ARHGEF40: variants seen among roughly 807,000 people sequenced by gnomAD.
ARHGEF40 encodes Rho guanine nucleotide exchange factor 40, also known as Rho guanine nucleotide exchange factor (GEF) 40.
A neutral mutation model predicts 165.9 loss-of-function variants in ARHGEF40; 98 were observed. That is an observed-to-expected ratio of 0.59 (90% CI 0.50 to 0.70). The LOEUF (loss-of-function observed/expected upper bound fraction) is 0.70. ARHGEF40 is among the 30% of genes least tolerant of loss of function. The pLI, the probability that ARHGEF40 is intolerant of heterozygous loss-of-function variation, is 0.00. For missense variants in ARHGEF40, 1,815 were observed against 1,968.0 expected, an observed-to-expected ratio of 0.92 and a Z score of 1.47; for synonymous variants, 792 against 814.3, an observed-to-expected ratio of 0.97 and a Z score of 0.47.
intron 19 of ARHGEF40, 194 bp from the exon 20 acceptor site, chr14:21,086,807 A>C: frequency 1.8e-6 from 1 of 558,034 alleles, no homozygotes; most frequent in Non-Finnish European, 3.2e-6. Flanking sequence ...TCTGAGGAGG[A>C]AGTCACACCA....
intron 17 of ARHGEF40, 84 bp downstream of exon 17, chr14:21,084,134 G>T: frequency 7.1e-7 from 1 of 1,412,770 alleles, no homozygotes; most frequent in South Asian, 1.4e-5. Flanking sequence ...AGGAGAACCA[G>T]GCTCCAGGTC....
chr14:21,080,424 C>T (rs922477878), intron 11 of ARHGEF40, among the ~76,000 whole-genome samples: 1 of 152,208 alleles, frequency 6.6e-6, no homozygotes, highest in African/African-American at 2.4e-5. Flanking sequence ...TCCCTCAGTG[C>T]TTCCCATCAG....
In ARHGEF40 at chr14:21,072,945, GGGGCTTT is replaced by G; in HGVS notation, c.4-97_4-91del. On this transcript the variant is annotated intron_variant, in intron 1 of 23. Transcript: ENST00000298694. This position sits in a 1 kb window ranked among gnomAD's most constrained non-coding sequence, Gnocchi z 4.1. ...CACTTTTTGCCCACATTGTACAATCGGGGCTTTGGAGAACACAGCCAACCCCAGACCA... is the reference window on the plus strand; with the variant it reads ...CACTTTTTGCCCACATTGTACAATCGGGAGAACACAGCCAACCCCAGACCA... 8.3e-7 allele frequency: 1 copy of G among 1,207,328 alleles called. No homozygotes were observed. Among genetic ancestry groups the G allele is most frequent in the South Asian group, 1.4e-5 (1 of 71,742 alleles). 74.8% of individuals were successfully genotyped at this position (1,207,328 alleles called of 1,614,324 possible).
chr14:21,082,020 C>T lies in ARHGEF40; in HGVS notation c.3152C>T (p.Thr1051Met), dbSNP rs374673268. The change falls in exon 14 of 24, where the codon ACG becomes ATG. Residue 1051 changes from threonine (T) to methionine (M), a missense_variant. Physicochemically the swap from Thr to Met is moderately conservative, Grantham distance 81. Coordinates refer to ENST00000298694, the MANE Select transcript of ARHGEF40 (RefSeq NM_018071.5). ...ACCAGCACTGAGGTGGTAGACAGGA[C>T]GTGCTCACCACGGGAACACGTGCTG... The part of the protein sequence containing the change: ...EVTSTEVVDR[T>M]CSPREHVLLG... 2.4e-5 allele frequency: 37 copies of T among 1,570,900 alleles called. No homozygotes were observed. Among genetic ancestry groups the T allele is most frequent in the South Asian group, 4.6e-5 (4 of 86,120 alleles).
chr14:21,079,238 C>A (rs960393895), intron 11 of ARHGEF40, among the ~76,000 whole-genome samples: 1 of 152,152 alleles, frequency 6.6e-6, no homozygotes, highest in Non-Finnish European at 1.5e-5. Flanking sequence ...TACACTTGAT[C>A]GAAAATGCTG....
Position 21,070,863 on chromosome 14 carries a change from A to G in ARHGEF40, c.3+464A>G, listed in dbSNP as rs1401907448. ...CCACCATTTTCCATCCCTGTCCCCA[A>G]CCCGGTGAGGCAGGCCCACCCATCC... On this transcript the variant is annotated intron_variant, in intron 1 of 23. Coordinates refer to ENST00000298694, the MANE Select transcript of ARHGEF40 (RefSeq NM_018071.5). This position sits in a 1 kb window ranked among gnomAD's most constrained non-coding sequence, Gnocchi z 4.7. 3.9e-6 allele frequency: 6 copies of G among 1,535,266 alleles called. No individual in the cohort carries two copies. Among genetic ancestry groups the G allele is most frequent in the African/African-American group, 2.7e-5 (2 of 72,982 alleles).
chr14:21,063,665 G>C, the ARHGEF40 span, among the ~76,000 whole-genome samples: 4 of 152,196 alleles, frequency 2.6e-5, no homozygotes, highest in Non-Finnish European at 4.4e-5. Context: ...GACTGACTCT[G>C]CTGGGGGTCT....
At chr14:21,085,938 G>A (rs560048061) in intron 19 of ARHGEF40, 72 bp downstream of exon 19, 60 of 1,529,782 alleles carry the variant, frequency 3.9e-5, no homozygotes, top group Non-Finnish European at 4.7e-5. Flanking sequence ...GAGAGTGTGC[G>A]AACTGCTTGG....
intron 10 of ARHGEF40, among the ~76,000 whole-genome samples, 162 bp from the exon 11 acceptor site, chr14:21,078,722 G>A (rs1887634142): frequency 6.6e-6 from 1 of 152,228 alleles, no homozygotes; most frequent in Non-Finnish European, 1.5e-5. Context: ...ACATCGGTCA[G>A]TAAAGAGTCA....
Position 21,072,902 on chromosome 14 carries a change from C to G in ARHGEF40, c.4-143C>G. Reference sequence around the variant, plus strand: ...CCACTCCTGTTCTGGGCTCATCAGCCAGCATTTCCTGAGTGCTCACTTTTT... The same window carrying G: ...CCACTCCTGTTCTGGGCTCATCAGCGAGCATTTCCTGAGTGCTCACTTTTT... On this transcript the variant is annotated intron_variant, in intron 1 of 23. Transcript: ENST00000298694. The surrounding 1 kb of genome is among the most constrained non-coding windows in gnomAD (Gnocchi z 4.1). 2.4e-6 allele frequency: 2 copies of G among 837,258 alleles called. No homozygotes were observed. The highest frequency in any genetic ancestry group is 3.8e-6 in the Non-Finnish European group (2 of 532,574). 51.9% of individuals were successfully genotyped at this position (837,258 alleles called of 1,614,324 possible).
At chr14:21,081,112 C>T in intron 13 of ARHGEF40, 96 bp downstream of exon 13, 2 of 1,512,928 alleles carry the variant, frequency 1.3e-6, no homozygotes, top group Non-Finnish European at 1.8e-6. Context: ...AAAGTGGAGG[C>T]TGAGGGGCCC....
chr14:21,086,883 G>A, intron 19 of ARHGEF40, 118 bp from the exon 20 acceptor site: 1 of 758,090 alleles, frequency 1.3e-6, no homozygotes. Flanking sequence ...GAATGAAAGG[G>A]AGGAATGAGG....
At chr14:21,076,281 C>A in intron 5 of ARHGEF40, 79 bp from the exon 6 acceptor site, 1 of 1,192,954 alleles carries the variant, frequency 8.4e-7, no homozygotes, top group African/African-American at 1.5e-5. Context: ...AAAACAGACC[C>A]CGTATGTCTG....
At position 21,070,520 on chromosome 14, in the gene ARHGEF40, T is replaced by G; in HGVS notation, c.3+121T>G. On this transcript the variant is annotated intron_variant, in intron 1 of 23. Transcript: ENST00000298694. The surrounding 1 kb of genome is among the most constrained non-coding windows in gnomAD (Gnocchi z 4.7). ...TCGGACTGTTCGGCCCCTCTGGGAC[T>G]CTCCTCCCTCCCATCCCCCCTTCTT... The G allele has an allele frequency of 8.3e-7, 1 of 1,198,038 alleles. No individual in the cohort carries two copies. The highest frequency in any genetic ancestry group is 2.7e-5 in the East Asian group (1 of 36,594). 74.2% of individuals were successfully genotyped at this position (1,198,038 alleles called of 1,614,324 possible).
At chr14:21,077,891 A>G (rs1887554259) in intron 8 of ARHGEF40, among the ~76,000 whole-genome samples, 2 of 152,230 alleles carry the variant, frequency 1.3e-5, no homozygotes, top group Admixed American at 1.3e-4. Flanking sequence ...GGAAGGTCAC[A>G]GTTACCAAGC....
Position 21,073,119 on chromosome 14 carries a change from C to G in ARHGEF40, c.78C>G (p.Pro26=), listed in dbSNP as rs1469524480. 3.1e-6 allele frequency: 5 copies of G among 1,614,070 alleles called. No homozygotes were observed. In the Admixed American group the frequency reaches 8.3e-5, roughly 27 times the overall value. Reference sequence around the variant, plus strand: ...ATCCACCCTTTGAGGCAACAGCCCCCACCCTGTTGGGCCAGGTGTTCCAGG... The same window carrying G: ...ATCCACCCTTTGAGGCAACAGCCCCGACCCTGTTGGGCCAGGTGTTCCAGG... ...ALYPPFEATA[P]TLLGQVFQVV... Residue 26 remains proline (P), a synonymous_variant, in exon 2 of 24, where the codon CCC becomes CCG. Transcript: ENST00000298694. This position sits in a 1 kb window ranked among gnomAD's most constrained non-coding sequence, Gnocchi z 4.6.
At chr14:21,062,524 G>C in the ARHGEF40 span, among the ~76,000 whole-genome samples, 1 of 152,186 alleles carries the variant, frequency 6.6e-6, no homozygotes, top group Non-Finnish European at 1.5e-5. Flanking sequence ...GGGTTTGCCT[G>C]AGGCCCGTGT....
chr14:21,070,976 C>G lies in ARHGEF40; in HGVS notation c.3+577C>G. The G allele has an allele frequency of 9.5e-7, 1 of 1,057,988 alleles. No individual in the cohort carries two copies. The highest frequency in any genetic ancestry group is 1.4e-6 in the Non-Finnish European group (1 of 719,588). The allele number at this position is 1,057,988 out of a possible 1,614,324, so 65.5% of individuals were successfully genotyped here. A position where few individuals can be genotyped will look rare whatever the true frequency, so the allele number is the denominator to read the frequency against. ...AATTCCCGCAGAGAAAAAGAGCTGCCTCAGGATAGTTGGGGGTGCTTGGGG... is the reference window on the plus strand; with the variant it reads ...AATTCCCGCAGAGAAAAAGAGCTGCGTCAGGATAGTTGGGGGTGCTTGGGG... On this transcript the variant is annotated intron_variant, in intron 1 of 23. Transcript: ENST00000298694. This position sits in a 1 kb window ranked among gnomAD's most constrained non-coding sequence, Gnocchi z 4.7.
In ARHGEF40 at chr14:21,078,966, G is replaced by T; in HGVS notation, c.2329G>T (p.Val777Leu). 1 of 1,614,146 alleles carries T rather than the reference G, an allele frequency of 6.2e-7. No homozygotes were observed. Among genetic ancestry groups the T allele is most frequent in the Non-Finnish European group, 8.5e-7 (1 of 1,179,974 alleles). ...HQLVRLSNLH[V>L]QQQEQRQCLR... ...GCTTGTGCGCCTCTCCAACCTGCAC[G>T]TGCAGCAGCAAGAGCAGCGGCAGTG... Residue 777 changes from valine to leucine, a missense_variant, in exon 11 of 24, where the codon GTG (valine) becomes TTG (leucine). Transcript: ENST00000298694.
Sources: allele counts gnomAD v4.1 joint callset (sites outside exome capture counted in the v4.1 genomes callset), GRCh38; gene constraint gnomAD v4.1.1; non-coding constraint Gnocchi (gnomAD v3.1); transcripts MANE v1.5; gene names NCBI Gene and HGNC (gene_info 2026-07-23, HGNC 2026-07-21).